Variants in EPHA5 observed in about 807,000 individuals in gnomAD.
The protein encoded by EPHA5 is ephrin type-A receptor 5.
A neutral mutation model predicts 105.0 loss-of-function variants in EPHA5; 60 were observed. The observed-to-expected ratio is 0.57, with a 90% confidence interval of 0.46 to 0.71. The LOEUF (loss-of-function observed/expected upper bound fraction) is 0.71. Among genes scored for constraint, EPHA5 ranks in the 30% least tolerant of loss-of-function variants. The pLI is 0.00. For missense variants in EPHA5, 1,218 were observed against 1,274.7 expected, an observed-to-expected ratio of 0.96 and a Z score of 0.68; for synonymous variants, 513 against 449.1, an observed-to-expected ratio of 1.14 and a Z score of -1.80.
chr4:65,560,305 T>C (rs1738878329), intron 3 of EPHA5, among the ~76,000 whole-genome samples: 1 of 152,124 alleles, frequency 6.6e-6, no homozygotes, highest in Non-Finnish European at 1.5e-5. Context: ...CTATAGCTAG[T>C]TTTCTATAAA....
At chr4:65,646,030 G>A (rs988383206) in intron 1 of EPHA5, among the ~76,000 whole-genome samples, 2 of 151,986 alleles carry the variant, frequency 1.3e-5, no homozygotes, top group African/African-American at 4.8e-5. Context: ...GAATAAATTA[G>A]GATTTGATTC....
intron 5 of EPHA5, among the ~76,000 whole-genome samples, chr4:65,477,748 A>C (rs1729969510): frequency 6.6e-6 from 1 of 152,068 alleles, no homozygotes; most frequent in Non-Finnish European, 1.5e-5. Context: ...CCTTCATCCC[A>C]AAAATGGGAA....
chr4:65,359,789 A>G (rs538910453), intron 11 of EPHA5, among the ~76,000 whole-genome samples: 1 of 151,576 alleles, frequency 6.6e-6, no homozygotes, highest in Non-Finnish European at 1.5e-5. Flanking sequence ...GGGTCCTACC[A>G]CCTCTTCTTA....
At chr4:65,509,405 A>T (rs752398378) in intron 3 of EPHA5, among the ~76,000 whole-genome samples, 2 of 152,106 alleles carry the variant, frequency 1.3e-5, no homozygotes, top group Non-Finnish European at 2.9e-5. Flanking sequence ...TGTCCTAGCT[A>T]TCTGGGGATA....
intron 1 of EPHA5, among the ~76,000 whole-genome samples, chr4:65,668,191 C>T (rs543980769): frequency 6.6e-6 from 1 of 152,196 alleles, no homozygotes; most frequent in East Asian, 1.9e-4. Context: ...CTCTATCTGC[C>T]CTGCTTTCAC....
intron 3 of EPHA5, among the ~76,000 whole-genome samples, chr4:65,584,445 G>A (rs962764957): frequency 3.3e-5 from 5 of 151,378 alleles, no homozygotes; most frequent in African/African-American, 1.2e-4. Context: ...AGCCCTTTTC[G>A]GATTTTTTGA....
At position 65,323,433 on chromosome 4, in the gene EPHA5, T is replaced by C. The variant is rs936577029; in HGVS notation, c.*681A>G. ...ATCAGTTCCTGGGTATATTGCAAAT[T>C]ATACAGTATATACACATTTATTACC... On this transcript the variant is annotated 3_prime_UTR_variant, in exon 17 of 17. Transcript: ENST00000613740. The C allele has an allele frequency of 4.3e-6, 1 of 229,912 alleles. No homozygotes were observed. 14.2% of individuals were successfully genotyped at this position (229,912 alleles called of 1,614,324 possible).
At chr4:65,387,370 A>G (rs536406118) in intron 8 of EPHA5, among the ~76,000 whole-genome samples, 1 of 152,074 alleles carries the variant, frequency 6.6e-6, no homozygotes, top group African/African-American at 2.4e-5. Context: ...CTCCATTCAG[A>G]TATTTGAGAT....
intron 8 of EPHA5, among the ~76,000 whole-genome samples, chr4:65,397,990 T>G (rs1008657260): frequency 1.3e-5 from 2 of 152,038 alleles, no homozygotes; most frequent in Non-Finnish European, 2.9e-5. Flanking sequence ...GTGTGCTCCA[T>G]GAAATGAGCA....
chr4:65,642,979 AT>A (rs1747799119), intron 2 of EPHA5, among the ~76,000 whole-genome samples: 1 of 152,040 alleles, frequency 6.6e-6, no homozygotes, highest in Admixed American at 6.6e-5. Flanking sequence ...GACCTGTTAA[AT>A]TTTATTTCCT....
chr4:65,436,962 G>T (rs766172795), intron 5 of EPHA5, among the ~76,000 whole-genome samples: 7 of 151,874 alleles, frequency 4.6e-5, no homozygotes, highest in Non-Finnish European at 8.8e-5. Context: ...GGGAAGAAAA[G>T]AATCCTCTTT....
At chr4:65,449,679 A>T (rs554980253) in intron 5 of EPHA5, among the ~76,000 whole-genome samples, 2 of 152,278 alleles carry the variant, frequency 1.3e-5, no homozygotes, top group South Asian at 4.1e-4. Flanking sequence ...TGACCTTTGC[A>T]AAAATAGGGG....
intron 5 of EPHA5, among the ~76,000 whole-genome samples, chr4:65,486,063 G>A (rs1196417179): frequency 6.6e-6 from 1 of 152,110 alleles, no homozygotes; most frequent in African/African-American, 2.4e-5. Context: ...TCATCACCAT[G>A]TCCAGACAGA....
At chr4:65,609,221 G>T (rs189028025) in intron 2 of EPHA5, among the ~76,000 whole-genome samples, 1 of 152,136 alleles carries the variant, frequency 6.6e-6, no homozygotes. Context: ...AAATAAATAT[G>T]ACAAAATATA....
chr4:65,444,570 C>T (rs1726334866), intron 5 of EPHA5, among the ~76,000 whole-genome samples: 1 of 152,142 alleles, frequency 6.6e-6, no homozygotes, highest in African/African-American at 2.4e-5. Context: ...GTGATTGGCT[C>T]AGTCCTGCAC....
intron 5 of EPHA5, among the ~76,000 whole-genome samples, chr4:65,473,969 C>A (rs894927391): frequency 2.3e-5 from 3 of 132,524 alleles, no homozygotes; most frequent in East Asian, 2.2e-4. Flanking sequence ...GAAATGAATT[C>A]TTTTTACACT....
At chr4:65,517,324 T>G (rs79790852) in intron 3 of EPHA5, among the ~76,000 whole-genome samples, 673 of 152,006 alleles carry the variant, frequency 4.4e-3, no homozygotes, top group Non-Finnish European at 7.5e-3. Context: ...GGTATGTTTT[T>G]ATTCATTTTA....
chr4:65,573,269 G>C (rs891130810), intron 3 of EPHA5, among the ~76,000 whole-genome samples: 4 of 151,648 alleles, frequency 2.6e-5, no homozygotes, highest in Admixed American at 6.6e-5. Context: ...AAATTAGCTG[G>C]GCGTGGTGGC....
intron 13 of EPHA5, 136 bp from the exon 14 acceptor site, chr4:65,348,339 C>A: frequency 2.7e-6 from 2 of 742,884 alleles, no homozygotes; most frequent in Admixed American, 6.1e-5. Flanking sequence ...AGTGTCTTTT[C>A]AAATCTCTCA....
Sources: allele counts gnomAD v4.1 joint callset (sites outside exome capture counted in the v4.1 genomes callset), GRCh38; gene constraint gnomAD v4.1.1; transcripts MANE v1.5; gene names NCBI Gene and HGNC (gene_info 2026-07-23, HGNC 2026-07-21).